The following GTF2IRD1 variants were observed in gnomAD, a reference collection of about 807,000 sequenced individuals.
The protein encoded by GTF2IRD1 is general transcription factor II-I repeat domain-containing protein 1.
Under a neutral mutation model 113.2 loss-of-function variants are expected in GTF2IRD1, and 26 were observed. That is an observed-to-expected ratio of 0.23 (90% confidence interval 0.17 to 0.32). The LOEUF (loss-of-function observed/expected upper bound fraction) is 0.32. Among genes scored for constraint, GTF2IRD1 ranks in the 10% least tolerant of loss-of-function variants. GTF2IRD1 has a pLI of 1.00. For synonymous variants in GTF2IRD1, 484 were observed against 529.1 expected, an observed-to-expected ratio of 0.91 and a Z score of 1.17; for missense variants, 864 against 1,280.8, an observed-to-expected ratio of 0.67 and a Z score of 4.97.
intron 1 of GTF2IRD1, among the ~76,000 whole-genome samples, chr7:74,492,210 G>T (rs868952840): frequency 1.3e-4 from 18 of 143,454 alleles, no homozygotes; most frequent in Middle Eastern, 3.3e-3. Flanking sequence ...TCACTCTGTC[G>T]CCCAGGCTGG....
chr7:74,558,726 C>T lies in GTF2IRD1; in HGVS notation c.2108-135C>T, dbSNP rs587707901. 1.3e-5 allele frequency: 8 copies of T among 633,838 alleles called. No homozygotes were observed. In the South Asian group the frequency reaches 1.4e-4, roughly 11 times the overall value. 39.3% of individuals were successfully genotyped at this position (633,838 alleles called of 1,614,324 possible). On this transcript the variant is annotated intron_variant, in intron 20 of 26. Coordinates refer to ENST00000424337, the MANE Select transcript of GTF2IRD1 (RefSeq NM_005685.4). The stretch of plus-strand genomic sequence containing the variant: ...ATGCCTATACCTTTCCACAGTGCTA[C>T]ACTACATAAGAGCTTTCTCGTACCA...
At chr7:74,477,308 G>A (rs1216551394) in intron 1 of GTF2IRD1, among the ~76,000 whole-genome samples, 2 of 150,096 alleles carry the variant, frequency 1.3e-5, no homozygotes, top group Admixed American at 1.3e-4. Flanking sequence ...AGGTTGCAGT[G>A]AGCTAAGATC....
Position 74,568,316 on chromosome 7 carries a change from T to C in GTF2IRD1, c.2320+8661T>C, listed in dbSNP as rs370406623. 7.6e-5 allele frequency among the ~76,000 whole-genome samples: 8 copies of C among 105,670 alleles called. No homozygotes were observed. The East Asian group carries it at 9.2e-4, about 12-fold the overall frequency. 69.3% of individuals were successfully genotyped at this position (105,670 alleles called of 152,430 possible). ...GCCCAGGAGTTTGAGACCAGCCACA[T>C]AACAAGACTGCATCTCTATTTAAAA... On this transcript the variant is annotated intron_variant, in intron 22 of 26. Transcript: ENST00000424337.
At position 74,558,171 on chromosome 7, in the gene GTF2IRD1, C is replaced by G. The variant is rs587596625; in HGVS notation, c.2107+449C>G. On this transcript the variant is annotated intron_variant, in intron 20 of 26. Coordinates refer to ENST00000424337, the MANE Select transcript of GTF2IRD1 (RefSeq NM_005685.4). ...GTGCACACCTGTGGTCCCAGCTACTCAGGAAGCTGAAGCAGGAGAATCGCT... is the reference window on the plus strand; with the variant it reads ...GTGCACACCTGTGGTCCCAGCTACTGAGGAAGCTGAAGCAGGAGAATCGCT... Among the ~76,000 whole-genome samples, 19 of 150,874 alleles carry G rather than the reference C, an allele frequency of 1.3e-4. No individual in the cohort carries two copies. The East Asian group carries it at 3.3e-3, about 26-fold the overall frequency.
intron 1 of GTF2IRD1, among the ~76,000 whole-genome samples, chr7:74,504,922 G>A (rs909403209): frequency 4.6e-5 from 7 of 151,860 alleles, no homozygotes; most frequent in Non-Finnish European, 8.8e-5. Flanking sequence ...TGTCCAGGCC[G>A]GTCTCAAACT....
intron 1 of GTF2IRD1, among the ~76,000 whole-genome samples, chr7:74,462,486 C>T (rs1554329599): frequency 6.6e-6 from 1 of 152,220 alleles, no homozygotes; most frequent in African/African-American, 2.4e-5. Context: ...GCATTTACGG[C>T]ATTGCTGGGT....
chr7:74,518,060 C>A (rs1412754283), intron 4 of GTF2IRD1, 79 bp from the exon 5 acceptor site: 5 of 1,023,768 alleles, frequency 4.9e-6, no homozygotes, highest in South Asian at 1.9e-5. Context: ...GCACTGCCCC[C>A]ACTCTGGGGC....
chr7:74,568,431 A>G (rs1248610612), intron 22 of GTF2IRD1, among the ~76,000 whole-genome samples: 5 of 151,864 alleles, frequency 3.3e-5, no homozygotes, highest in Non-Finnish European at 7.4e-5. Context: ...GGCAGATCAC[A>G]AGGTCAGGAG....
rs59894896 is a variant in GTF2IRD1, at chr7:74,562,116, C to T, written c.2320+2461C>T. ...GTTCACCAGAGGTCACTGAGTGCTA[C>T]TTCTGCACCAGAATGGGCTTTTCTC... is the stretch of plus-strand genomic sequence containing the variant. On this transcript the variant is annotated intron_variant, in intron 22 of 26. Coordinates refer to ENST00000424337, the MANE Select transcript of GTF2IRD1 (RefSeq NM_005685.4). Among the ~76,000 whole-genome samples the T allele has an allele frequency of 5.8e-3, 880 of 152,362 alleles. 11 individuals are homozygous for T. Among genetic ancestry groups the T allele is most frequent in the African/African-American group, 0.02 (835 of 41,580 alleles).
chr7:74,592,577 C>T (rs1459408385), intron 24 of GTF2IRD1, among the ~76,000 whole-genome samples: 5 of 151,132 alleles, frequency 3.3e-5, no homozygotes, highest in African/African-American at 1.2e-4. Context: ...TCTTGTTACT[C>T]AGGCTAGAGT....
chr7:74,571,598 A>G lies in GTF2IRD1; in HGVS notation c.2320+11943A>G, dbSNP rs587751376. Among the ~76,000 whole-genome samples, 7 of 152,318 alleles carry G rather than the reference A, an allele frequency of 4.6e-5. No homozygotes were observed. The South Asian group carries it at 1.2e-3, about 27-fold the overall frequency. On this transcript the variant is annotated intron_variant, in intron 22 of 26. Transcript: ENST00000424337. ...TGCTGCTAGCTGGGCACAGTGGCTC[A>G]CGCCTGTAATCCCAGCACTTTGGGA...
chr7:74,547,330 C>T (rs1554353622), intron 17 of GTF2IRD1, 44 bp downstream of exon 17: 2 of 1,480,230 alleles, frequency 1.4e-6, no homozygotes, highest in Non-Finnish European at 9.2e-7. Flanking sequence ...CGGCCCTGCT[C>T]AGCACCAAGG....
intron 1 of GTF2IRD1, among the ~76,000 whole-genome samples, chr7:74,498,607 C>T (rs1361180648): frequency 6.6e-6 from 1 of 152,226 alleles, no homozygotes; most frequent in African/African-American, 2.4e-5. Context: ...TCAGGCCCCT[C>T]CTCCCCCAAA....
rs570873678 is a variant in GTF2IRD1, at chr7:74,473,481, G to T, written c.-7+19305G>T. ...CCTCTGTCGCCCAAGCTGGAGTACAGTGGAACAGTCATAGCTCACTGCAGC... is the reference window on the plus strand; with the variant it reads ...CCTCTGTCGCCCAAGCTGGAGTACATTGGAACAGTCATAGCTCACTGCAGC... On this transcript the variant is annotated intron_variant, in intron 1 of 26. Coordinates refer to ENST00000424337, the MANE Select transcript of GTF2IRD1 (RefSeq NM_005685.4). Among the ~76,000 whole-genome samples, 6 of 151,960 alleles carry T rather than the reference G, an allele frequency of 3.9e-5. No individual in the cohort carries two copies. In the East Asian group the frequency reaches 1.2e-3, roughly 29 times the overall value.
intron 14 of GTF2IRD1, among the ~76,000 whole-genome samples, chr7:74,543,012 T>G (rs1798714391): frequency 1.3e-5 from 2 of 152,134 alleles, no homozygotes; most frequent in Non-Finnish European, 2.9e-5. Context: ...CCTGATGAAT[T>G]AAGAAAATTC....
chr7:74,594,092 G>A (rs587679487), intron 24 of GTF2IRD1, among the ~76,000 whole-genome samples: 3 of 151,370 alleles, frequency 2.0e-5, no homozygotes, highest in South Asian at 2.1e-4. Flanking sequence ...CCAGCTACTC[G>A]AGAGCCTGAG....
intron 9 of GTF2IRD1, among the ~76,000 whole-genome samples, chr7:74,531,843 G>T (rs1267933679): frequency 6.6e-6 from 1 of 152,066 alleles, no homozygotes; most frequent in East Asian, 1.9e-4. Flanking sequence ...TCTTGTTATT[G>T]GTGGTACAGC....
rs183378103 is a variant in GTF2IRD1, at chr7:74,590,819, C to T, written c.2399-6C>T. ...TTTCCTCACTGTGACTTCCTGTGCC[C>T]TCTAGGTGAGGCCCTGGGCCTGAAC... On this transcript the variant is annotated splice_polypyrimidine_tract_variant and splice_region_variant and intron_variant, in intron 23 of 26. Transcript: ENST00000424337. 1.3e-6 allele frequency: 2 copies of T among 1,584,338 alleles called. No individual in the cohort carries two copies. The highest frequency in any genetic ancestry group is 2.3e-5 in the East Asian group (1 of 44,356).
chr7:74,519,597 A>G lies in GTF2IRD1; in HGVS notation c.794A>G (p.His265Arg). Reference sequence around the variant, plus strand: ...CTGTACAGCACGGCGCTCCCCAACCACGCCATCCGAGAGCTCAAGCAGGAA... The same window carrying G: ...CTGTACAGCACGGCGCTCCCCAACCGCGCCATCCGAGAGCTCAAGCAGGAA... ...SFLYSTALPN[H>R]AIRELKQEAP... The change falls in exon 6 of 27, where the codon CAC becomes CGC. Residue 265 changes from histidine to arginine, a missense_variant. By Grantham distance (29) the His-to-Arg change is conservative. Transcript: ENST00000424337. 6.2e-7 allele frequency: 1 copy of G among 1,611,388 alleles called. No homozygotes were observed. Among genetic ancestry groups the G allele is most frequent in the Non-Finnish European group, 8.5e-7 (1 of 1,179,378 alleles).
Sources: gnomAD v4.1 joint callset for allele counts (sites outside exome capture counted in the v4.1 genomes callset) on GRCh38, gnomAD v4.1.1 for gene constraint, MANE v1.5 for transcripts, NCBI Gene and HGNC (gene_info 2026-07-23, HGNC 2026-07-21) for gene names.